The following AGBL4 variants were observed in gnomAD, a reference collection of about 807,000 sequenced individuals.
The protein encoded by AGBL4 is cytosolic carboxypeptidase 6.
In AGBL4, 58 loss-of-function variants were observed where a neutral mutation model predicts 66.4. That is an observed-to-expected ratio of 0.87 (90% CI 0.71 to 1.09). AGBL4 has a LOEUF of 1.09. AGBL4 is among the 50% of genes least tolerant of loss of function. AGBL4 has a pLI of 0.00. For missense variants in AGBL4, 579 were observed against 631.0 expected (o/e 0.92, Z 0.88); for synonymous variants, 234 against 222.9 (o/e 1.05, Z -0.44).
chr1:49,116,084 C>T (rs1257838388), intron 4 of AGBL4, among the ~76,000 whole-genome samples: 1 of 152,052 alleles, frequency 6.6e-6, no homozygotes, highest in East Asian at 1.9e-4. Context: ...AAAAATTATG[C>T]ACGAGATATC....
chr1:48,781,146 G>A (rs1429998137), intron 6 of AGBL4, among the ~76,000 whole-genome samples: 2 of 152,170 alleles, frequency 1.3e-5, no homozygotes, highest in Non-Finnish European at 2.9e-5. Context: ...TTCCTATAAG[G>A]AGGCAGTTCC....
At chr1:49,437,317 AGATT>A (rs1436011435) in intron 3 of AGBL4, among the ~76,000 whole-genome samples, 5 of 152,204 alleles carry the variant, frequency 3.3e-5, no homozygotes, top group African/African-American at 1.2e-4. Context: ...GAGCTTAGTT[AGATT>A]AATTAAGTCT....
chr1:49,918,877 T>C (rs1266536731), intron 1 of AGBL4, among the ~76,000 whole-genome samples: 2 of 152,164 alleles, frequency 1.3e-5, no homozygotes, highest in Non-Finnish European at 2.9e-5. Context: ...TCAAAAAGCT[T>C]ATCCACCAGG....
rs552243504 is a variant in AGBL4, at chr1:48,892,498, T to C, written c.595-25268A>G. 1.9e-3 allele frequency among the ~76,000 whole-genome samples: 283 copies of C among 152,292 alleles called. 2 individuals carry two copies. The highest frequency in any genetic ancestry group is 0.012 in the South Asian group (57 of 4,818). Reference sequence around the variant, plus strand: ...GAGCACAGCTTGGTTTTATACATTTTAGGGAGATGATAAACATCAATCAAC... The same window carrying C: ...GAGCACAGCTTGGTTTTATACATTTCAGGGAGATGATAAACATCAATCAAC... On this transcript the variant is annotated intron_variant, in intron 5 of 13. Transcript: ENST00000371839.
intron 2 of AGBL4, among the ~76,000 whole-genome samples, chr1:49,816,124 T>C (rs1571627556): frequency 6.6e-6 from 1 of 152,132 alleles, no homozygotes; most frequent in Admixed American, 6.6e-5. Flanking sequence ...TGGACTCAAG[T>C]GGTCCTTCTG....
chr1:49,971,160 T>C (rs922702768), intron 1 of AGBL4, among the ~76,000 whole-genome samples: 4 of 152,208 alleles, frequency 2.6e-5, no homozygotes, highest in Non-Finnish European at 5.9e-5. Flanking sequence ...AGTCCAAAAA[T>C]ATTAAATGGA....
At chr1:49,970,866 T>C (rs751993164) in intron 1 of AGBL4, among the ~76,000 whole-genome samples, 6 of 152,016 alleles carry the variant, frequency 3.9e-5, no homozygotes, top group Admixed American at 6.6e-5. Flanking sequence ...TAAGTTATAA[T>C]GTGACAGTAA....
At chr1:49,188,564 A>G (rs1647057381) in intron 4 of AGBL4, among the ~76,000 whole-genome samples, 1 of 152,170 alleles carries the variant, frequency 6.6e-6, no homozygotes, top group African/African-American at 2.4e-5. Context: ...AATAATCTCT[A>G]TCCCCCTAGT....
chr1:49,700,071 T>TAAG (rs1375866154), intron 2 of AGBL4, among the ~76,000 whole-genome samples: 24 of 151,702 alleles, frequency 1.6e-4, no homozygotes, highest in African/African-American at 5.1e-4. Flanking sequence ...GGATATAATA[T>TAAG]CAACTATATG....
At chr1:49,177,248 T>TG (rs1646849449) in intron 4 of AGBL4, among the ~76,000 whole-genome samples, 1 of 152,166 alleles carries the variant, frequency 6.6e-6, no homozygotes, top group African/African-American at 2.4e-5. Context: ...TATGGAATAA[T>TG]GGGGTTCCTA....
At chr1:48,829,337 G>A (rs531321164) in intron 6 of AGBL4, among the ~76,000 whole-genome samples, 72 of 152,300 alleles carry the variant, frequency 4.7e-4, no homozygotes, top group African/African-American at 1.7e-3. Flanking sequence ...AGCCTATGCC[G>A]TTGGCCACAA....
intron 2 of AGBL4, among the ~76,000 whole-genome samples, chr1:49,763,113 T>G (rs1203068316): frequency 1.3e-5 from 2 of 152,250 alleles, no homozygotes; most frequent in Non-Finnish European, 2.9e-5. Context: ...AGTTATCTAA[T>G]TTTCCCTGCT....
intron 3 of AGBL4, among the ~76,000 whole-genome samples, chr1:49,563,219 TGG>T: frequency 1.3e-5 from 1 of 78,256 alleles, no homozygotes; most frequent in East Asian, 2.1e-4. Flanking sequence ...GCTGAGACAA[TGG>T]GGTTTCTAGA....
At chr1:48,810,515 C>T (rs1353106130) in intron 6 of AGBL4, among the ~76,000 whole-genome samples, 1 of 152,170 alleles carries the variant, frequency 6.6e-6, no homozygotes, top group Non-Finnish European at 1.5e-5. Context: ...AGATTTGTAA[C>T]TTCATTCAAA....
intron 3 of AGBL4, among the ~76,000 whole-genome samples, chr1:49,560,848 G>A (rs1184399979): frequency 3.3e-5 from 5 of 152,014 alleles, no homozygotes. Context: ...CCCCTGAATA[G>A]TATATCTGGT....
At chr1:48,680,038 GCAGT>G (rs1287918729) in intron 6 of AGBL4, among the ~76,000 whole-genome samples, 1 of 152,216 alleles carries the variant, frequency 6.6e-6, no homozygotes, top group Admixed American at 6.5e-5. Flanking sequence ...TTGTAAGGCT[GCAGT>G]CAGTGTTTGC....
At chr1:49,383,610 T>G (rs1644669499) in intron 3 of AGBL4, among the ~76,000 whole-genome samples, 1 of 152,078 alleles carries the variant, frequency 6.6e-6, no homozygotes, top group South Asian at 2.1e-4. Context: ...AAAATGAGAT[T>G]GGACACTTAT....
At chr1:49,164,487 G>T (rs947589593) in intron 4 of AGBL4, among the ~76,000 whole-genome samples, 1 of 152,120 alleles carries the variant, frequency 6.6e-6, no homozygotes, top group African/African-American at 2.4e-5. Flanking sequence ...AAGCGCACAA[G>T]CAACTGTAAT....
At chr1:49,078,591 T>A (rs1644753339) in intron 4 of AGBL4, among the ~76,000 whole-genome samples, 1 of 152,106 alleles carries the variant, frequency 6.6e-6, no homozygotes, top group South Asian at 2.1e-4. Context: ...ACTATTCAGC[T>A]CTCCACCTCC....
Sources: allele counts gnomAD v4.1 joint callset (sites outside exome capture counted in the v4.1 genomes callset), GRCh38; gene constraint gnomAD v4.1.1; transcripts MANE v1.5; gene names NCBI Gene and HGNC (gene_info 2026-07-23, HGNC 2026-07-21).